Variants in SNX6 observed in about 807,000 individuals in gnomAD.
SNX6 encodes the protein sorting nexin-6.
A neutral mutation model predicts 63.0 loss-of-function variants in SNX6; 34 were observed. The observed-to-expected ratio is 0.54, with a 90% confidence interval of 0.41 to 0.72. The LOEUF is 0.72. Ranked by LOEUF, SNX6 falls within the 30% of genes least tolerant of loss-of-function variation. The pLI, the probability that SNX6 is intolerant of heterozygous loss-of-function variation, is 0.00. For missense variants in SNX6, 398 were observed against 471.4 expected, an observed-to-expected ratio of 0.84 and a Z score of 1.44; for synonymous variants, 170 against 164.2, an observed-to-expected ratio of 1.04 and a Z score of -0.27.
At chr14:34,611,954 A>AT (rs981906622) in intron 2 of SNX6, among the ~76,000 whole-genome samples, 1 of 151,460 alleles carries the variant, frequency 6.6e-6, no homozygotes, top group East Asian at 2.0e-4. Context: ...CATTTTTTGT[A>AT]TTTTTTTAGT....
At chr14:34,600,846 T>C (rs1296019077) in intron 6 of SNX6, among the ~76,000 whole-genome samples, 2 of 152,060 alleles carry the variant, frequency 1.3e-5, no homozygotes, top group Non-Finnish European at 2.9e-5. Flanking sequence ...GAGACCAGCC[T>C]GACCAATATG....
intron 2 of SNX6, among the ~76,000 whole-genome samples, chr14:34,610,312 G>A (rs765683680): frequency 7.1e-6 from 1 of 140,266 alleles, no homozygotes; most frequent in Non-Finnish European, 1.5e-5. Context: ...CAGTAATCGT[G>A]CCACTGAACT....
chr14:34,604,771 G>A (rs1882951522), intron 5 of SNX6, among the ~76,000 whole-genome samples: 1 of 151,516 alleles, frequency 6.6e-6, no homozygotes, highest in Non-Finnish European at 1.5e-5. Context: ...TTTAAATAAA[G>A]ACATGATGCT....
rs538360434 is a variant in SNX6, at chr14:34,588,515, T to C, written c.719-2210A>G. On this transcript the variant is annotated intron_variant, in intron 8 of 13. Transcript: ENST00000362031. ...ATCCACCCACCTCAGCCTCCTAAAGTGCTGGAATTACAGGTTTGAGTCACT... is the reference window on the plus strand; with the variant it reads ...ATCCACCCACCTCAGCCTCCTAAAGCGCTGGAATTACAGGTTTGAGTCACT... 5.2e-4 allele frequency among the ~76,000 whole-genome samples: 79 copies of C among 152,244 alleles called. 2 individuals carry two copies. In the South Asian group the frequency reaches 0.016, roughly 30 times the overall value.
At chr14:34,593,908 G>T (rs1352156566) in intron 7 of SNX6, among the ~76,000 whole-genome samples, 1 of 151,890 alleles carries the variant, frequency 6.6e-6, no homozygotes, top group African/African-American at 2.4e-5. Flanking sequence ...TAGAGACAGG[G>T]TTTCGCCATG....
rs1386001782 is a variant in SNX6, at chr14:34,630,124, C to T, written c.-8G>A. 7.4e-7 allele frequency: 1 copy of T among 1,352,108 alleles called. No individual in the cohort carries two copies. The highest frequency in any genetic ancestry group is 9.5e-7 in the Non-Finnish European group (1 of 1,058,134). The allele number at this position is 1,352,108 out of a possible 1,614,324, so 83.8% of individuals were successfully genotyped here. On this transcript the variant is annotated 5_prime_UTR_variant, in exon 1 of 14. Coordinates refer to ENST00000362031, the MANE Select transcript of SNX6 (RefSeq NM_152233.4). ...GAGAACACCCACCATCATGGCTGCT[C>T]CGAGGCGAGGGCCGGCGCAGGCGCG...
chr14:34,620,751 GGCAACATA>G (rs1451765719), intron 2 of SNX6, among the ~76,000 whole-genome samples: 2 of 152,008 alleles, frequency 1.3e-5, no homozygotes, highest in Non-Finnish European at 2.9e-5. Context: ...GACCAGCCTG[GGCAACATA>G]GCGAAACCCT....
intron 11 of SNX6, among the ~76,000 whole-genome samples, chr14:34,569,463 T>C (rs1289811616): frequency 1.3e-5 from 2 of 152,206 alleles, no homozygotes; most frequent in Admixed American, 1.3e-4. Flanking sequence ...AGTCTCACTC[T>C]GTTGCTTAGG....
At chr14:34,593,720 C>T (rs1348781628) in intron 7 of SNX6, among the ~76,000 whole-genome samples, 4 of 148,274 alleles carry the variant, frequency 2.7e-5, no homozygotes, top group Non-Finnish European at 4.5e-5. Context: ...TACAGGCAAG[C>T]GCCACCACGC....
At chr14:34,601,177 A>T (rs1049210614) in intron 6 of SNX6, among the ~76,000 whole-genome samples, 1 of 151,976 alleles carries the variant, frequency 6.6e-6, no homozygotes, top group East Asian at 1.9e-4. Flanking sequence ...AAGACTCCAA[A>T]CTCAAATTTA....
rs1370055421 is a variant in SNX6, at chr14:34,581,573, G to A, written c.822C>T (p.Phe274=). ...CKFFLKVSEL[F]DKTRKIEARV... ...ATTTAGTACTTACTCTTGTTTTATC[G>A]AACAGTTCTGAAACTTTGAGAAAAA... The change falls in exon 10 of 14, where the codon TTC becomes TTT. Residue 274 remains phenylalanine, a synonymous_variant. Coordinates refer to ENST00000362031, the MANE Select transcript of SNX6 (RefSeq NM_152233.4). 4.1e-6 allele frequency: 6 copies of A among 1,461,056 alleles called. No homozygotes were observed. The highest frequency in any genetic ancestry group is 2.8e-5 in the African/African-American group (2 of 72,144). 90.5% of individuals were successfully genotyped at this position (1,461,056 alleles called of 1,614,324 possible).
At chr14:34,577,603 T>G (rs924046644) in intron 10 of SNX6, among the ~76,000 whole-genome samples, 7 of 152,120 alleles carry the variant, frequency 4.6e-5, no homozygotes, top group African/African-American at 1.7e-4. Flanking sequence ...CAGGTCAGAC[T>G]AAAAAGATAG....
chr14:34,596,223 AAAAAAAG>A (rs1298906041), intron 7 of SNX6, among the ~76,000 whole-genome samples: 3 of 151,922 alleles, frequency 2.0e-5, no homozygotes, highest in Non-Finnish European at 2.9e-5. Flanking sequence ...TCTCCAAAAA[AAAAAAAG>A]AAAAAAGAAA....
At chr14:34,627,729 A>T (rs182590548) in intron 2 of SNX6, among the ~76,000 whole-genome samples, 295 of 152,118 alleles carry the variant, frequency 1.9e-3, no homozygotes, top group Admixed American at 4.1e-3. Context: ...ACCTCAGGTG[A>T]TCCACTCACT....
Position 34,604,019 on chromosome 14 carries a change from C to T in SNX6, c.393-548G>A, listed in dbSNP as rs1235540165. On this transcript the variant is annotated intron_variant, in intron 5 of 13. Coordinates refer to ENST00000362031, the MANE Select transcript of SNX6 (RefSeq NM_152233.4). ...AAATATTTTAATACCAGCAGTGAAT[C>T]CCAGAGACCACAAAGTAATACATGT... is the stretch of plus-strand genomic sequence containing the variant. 4 of 766,008 alleles carry T rather than the reference C, an allele frequency of 5.2e-6. 1 individual carries two copies. The Admixed American group carries it at 1.6e-4, about 30-fold the overall frequency. The allele number at this position is 766,008 out of a possible 1,614,324, so 47.5% of individuals were successfully genotyped here.
chr14:34,618,225 A>T (rs974213994), intron 2 of SNX6, among the ~76,000 whole-genome samples: 1 of 152,192 alleles, frequency 6.6e-6, no homozygotes, highest in African/African-American at 2.4e-5. Context: ...TCTGCTTAAA[A>T]TCTAAGGAGT....
chr14:34,605,619 T>C lies in SNX6; in HGVS notation c.369A>G (p.Thr123=). The change falls in exon 5 of 14, where the codon ACA becomes ACG. Residue 123 remains threonine (T), a synonymous_variant. Coordinates refer to ENST00000362031, the MANE Select transcript of SNX6 (RefSeq NM_152233.4). ...ACGCTTCCAGTTCCTGTTTCATCTT[T>C]GTGAATTCTTCCTTCGTCATTGACC... ...GEGSMTKEEF[T]KMKQELEAEY... The C allele has an allele frequency of 6.3e-7, 1 of 1,592,760 alleles. No individual in the cohort carries two copies. The highest frequency in any genetic ancestry group is 8.5e-7 in the Non-Finnish European group (1 of 1,172,880).
chr14:34,597,103 G>A (rs751233664), intron 7 of SNX6, among the ~76,000 whole-genome samples: 3 of 152,234 alleles, frequency 2.0e-5, no homozygotes, highest in Admixed American at 6.5e-5. Context: ...CTGCATCTAG[G>A]AGGACTTCAT....
At chr14:34,612,918 G>A (rs983298061) in intron 2 of SNX6, among the ~76,000 whole-genome samples, 6 of 151,792 alleles carry the variant, frequency 4.0e-5, no homozygotes, top group Non-Finnish European at 2.9e-5. Context: ...GTGCGGTGGT[G>A]CATGCCTATA....
Sources: gnomAD v4.1 joint callset for allele counts (sites outside exome capture counted in the v4.1 genomes callset) on GRCh38, gnomAD v4.1.1 for gene constraint, MANE v1.5 for transcripts, NCBI Gene and HGNC (gene_info 2026-07-23, HGNC 2026-07-21) for gene names.